Variants in POLQ observed in about 807,000 individuals in gnomAD.
POLQ encodes the protein epididymis secretory sperm binding protein.
A neutral mutation model predicts 259.2 loss-of-function variants in POLQ; 233 were observed. The ratio of observed to expected loss-of-function variants is 0.90; its 90% CI spans 0.81 to 1.00. POLQ has a LOEUF of 1.00. Ranked by LOEUF, POLQ falls within the 50% of genes least tolerant of loss-of-function variation. The pLI is 0.00. For missense variants in POLQ, 2,871 were observed against 3,051.6 expected, an observed-to-expected ratio of 0.94 and a Z score of 1.39; for synonymous variants, 1,025 against 1,048.8, an observed-to-expected ratio of 0.98 and a Z score of 0.44.
Position 121,539,521 on chromosome 3 carries a change from G to A in POLQ, c.543C>T (p.Phe181=), listed in dbSNP as rs36065146. ...TGCAGACTGCAATATCCAATGAAGA[G>A]AAATGCCTTGATGGAGAGGTGCTGC... ...YMGSTSPSRH[F]SSLDIAVCTI... Residue 181 remains phenylalanine, a synonymous_variant, in exon 4 of 30, where the codon TTC becomes TTT. Transcript: ENST00000264233. 77,752 of 1,612,262 alleles carry A rather than the reference G, an allele frequency of 0.048. 2,243 individuals carry two copies. Among genetic ancestry groups the A allele is most frequent in the Middle Eastern group, 0.072 (438 of 6,060 alleles).
At chr3:121,500,449 C>T (rs1044690191) in intron 12 of POLQ, among the ~76,000 whole-genome samples, 1 of 152,040 alleles carries the variant, frequency 6.6e-6, no homozygotes, top group East Asian at 1.9e-4. Context: ...GGATAATTTA[C>T]TAGAGAGATC....
At position 121,433,640 on chromosome 3, in the gene POLQ, C is replaced by A. The variant is rs141415500; in HGVS notation, c.7544-607G>T. On this transcript the variant is annotated intron_variant, in intron 28 of 29. Transcript: ENST00000264233. ...GTTTTTCTGTGGAGATAATCCATAC[C>A]TTCCAGTAGCCATAACTCCAAAATA... Among the ~76,000 whole-genome samples the A allele has an allele frequency of 1.5e-3, 227 of 152,296 alleles. 3 individuals carry two copies. Among genetic ancestry groups the A allele is most frequent in the South Asian group, 5.6e-3 (27 of 4,824 alleles).
intron 7 of POLQ, among the ~76,000 whole-genome samples, chr3:121,526,603 C>T (rs775187025): frequency 2.6e-5 from 4 of 152,002 alleles, no homozygotes; most frequent in Non-Finnish European, 5.9e-5. Context: ...TCTTGGAACT[C>T]ATCTGCAGCC....
chr3:121,489,497 T>A lies in POLQ; in HGVS notation c.3434A>T (p.Asn1145Ile), dbSNP rs912303949. The stretch of plus-strand genomic sequence containing the variant: ...CACACTAGTGGCCTGACAAGTCACA[T>A]TTTTACTCTGAGATCCTGTGACAAT... ...EHIVTGSQSK[N>I]VTCQATSVVS... is the part of the protein sequence containing the mutation. Residue 1145 changes from asparagine (N) to isoleucine (I), a missense_variant, in exon 16 of 30, where the codon AAT (asparagine) becomes ATT (isoleucine). This residue lies in a region of POLQ where 2,080 missense variants were observed against 2,126.0 expected (regional missense o/e 0.98). Coordinates refer to ENST00000264233, the MANE Select transcript of POLQ (RefSeq NM_199420.4). 2.5e-6 allele frequency: 4 copies of A among 1,613,916 alleles called. No homozygotes were observed. In the African/African-American group the frequency reaches 4.0e-5, roughly 16 times the overall value.
intron 25 of POLQ, among the ~76,000 whole-genome samples, chr3:121,459,834 C>T (rs182331968): frequency 2.6e-5 from 4 of 152,190 alleles, no homozygotes; most frequent in South Asian, 2.1e-4. Flanking sequence ...TTTCCTGACA[C>T]GAAGTAGCCT....
intron 9 of POLQ, among the ~76,000 whole-genome samples, chr3:121,516,803 A>G (rs1309266935): frequency 6.6e-6 from 1 of 152,244 alleles, no homozygotes; most frequent in Non-Finnish European, 1.5e-5. Context: ...AAGTCTCCAT[A>G]GTGAATATAA....
chr3:121,491,718 A>C (rs1424979039), intron 15 of POLQ, among the ~76,000 whole-genome samples: 1 of 152,146 alleles, frequency 6.6e-6, no homozygotes, highest in Admixed American at 6.5e-5. Flanking sequence ...ACTCTGCCCA[A>C]ATCTCTCACT....
intron 3 of POLQ, 124 bp downstream of exon 3, chr3:121,541,225 C>T: frequency 1.2e-6 from 1 of 849,088 alleles, no homozygotes. Flanking sequence ...CCTCTTAAAG[C>T]TACATAGGGC....
chr3:121,451,661 A>T (rs1382920739), intron 25 of POLQ, among the ~76,000 whole-genome samples: 2 of 152,158 alleles, frequency 1.3e-5, no homozygotes, highest in Non-Finnish European at 2.9e-5. Context: ...TTTGTCTCAG[A>T]GGGGTAACTG....
chr3:121,432,386 C>G lies in POLQ; in HGVS notation c.7691G>C (p.Ser2564Thr). 1 of 1,608,506 alleles carries G rather than the reference C, an allele frequency of 6.2e-7. No homozygotes were observed. The highest frequency in any genetic ancestry group is 1.1e-5 in the South Asian group (1 of 90,212). The change falls in exon 30 of 30, where the codon AGT becomes ACT. Residue 2564 changes from serine to threonine, a missense_variant. Physicochemically the swap from Ser to Thr is moderately conservative, Grantham distance 58 (BLOSUM62 1). This residue lies in a region of POLQ where 2,080 missense variants were observed against 2,126.0 expected (regional missense o/e 0.98). Transcript: ENST00000264233. Reference protein sequence around the residue: ...VAQIVKNEMESAVKLSVKLKV... With the variant: ...VAQIVKNEMETAVKLSVKLKV... ...CAATTTCACAGACAGTTTTACAGCA[C>G]TTTCCATTTCATTCTTGACAATCTG... is the stretch of plus-strand genomic sequence containing the variant.
intron 18 of POLQ, 61 bp from the exon 19 acceptor site, chr3:121,481,873 T>G: frequency 6.9e-7 from 1 of 1,444,866 alleles, no homozygotes; most frequent in Non-Finnish European, 9.3e-7. Context: ...TATGTACCTC[T>G]AAATGAAAAG....
At chr3:121,519,690 A>G (rs1054458921) in intron 9 of POLQ, among the ~76,000 whole-genome samples, 181 bp downstream of exon 9, 39 of 151,550 alleles carry the variant, frequency 2.6e-4, no homozygotes, top group African/African-American at 8.2e-4. Context: ...AAAAAAAAAA[A>G]AAAAGAAAAT....
chr3:121,511,385 A>G (rs2048254371), intron 10 of POLQ, among the ~76,000 whole-genome samples: 1 of 152,004 alleles, frequency 6.6e-6, no homozygotes, highest in Non-Finnish European at 1.5e-5. Context: ...CAACAGAGCG[A>G]GACTTCATCT....
At chr3:121,493,205 G>C (rs2048084431) in intron 15 of POLQ, among the ~76,000 whole-genome samples, 1 of 151,914 alleles carries the variant, frequency 6.6e-6, no homozygotes, top group African/African-American at 2.4e-5. Flanking sequence ...AGGAGGCTGA[G>C]GCAGGAGAAT....
intron 7 of POLQ, among the ~76,000 whole-genome samples, chr3:121,524,937 TAC>T (rs33965431): frequency 0.16 from 24,392 of 148,414 alleles, 2,037 homozygotes; most frequent in Non-Finnish European, 0.18. Flanking sequence ...TGTGTATAAA[TAC>T]ACACACACAC....
At position 121,488,937 on chromosome 3, in the gene POLQ, T is replaced by A. The variant is rs372561824; in HGVS notation, c.3994A>T (p.Ile1332Leu). The A allele has an allele frequency of 6.2e-7, 1 of 1,614,078 alleles. No individual in the cohort carries two copies. The highest frequency in any genetic ancestry group is 8.5e-7 in the Non-Finnish European group (1 of 1,180,008). ...FYLDTQSEKIIQQMATENAKL... is the reference protein window; with the variant it reads ...FYLDTQSEKILQQMATENAKL... ...GCATTTTCAGTTGCCATCTGTTGTA[T>A]TATTTTCTCTGACTGAGTATCCAGA... Residue 1332 changes from isoleucine (I) to leucine (L), a missense_variant, in exon 16 of 30, where the codon ATA becomes TTA. By Grantham distance (5) the Ile-to-Leu change is conservative. Transcript: ENST00000264233.
chr3:121,510,312 T>C (rs2048244601), intron 10 of POLQ, 69 bp from the exon 11 acceptor site: 1 of 1,117,288 alleles, frequency 9.0e-7, no homozygotes, highest in African/African-American at 1.5e-5. Context: ...GCGCGGTGGC[T>C]CATGCCTGTA....
chr3:121,495,083 C>A (rs904980499), intron 14 of POLQ, among the ~76,000 whole-genome samples: 3 of 151,832 alleles, frequency 2.0e-5, no homozygotes, highest in African/African-American at 7.3e-5. Context: ...ACCAGCCTGA[C>A]CAACATGGAG....
intron 12 of POLQ, 137 bp downstream of exon 12, chr3:121,509,424 T>C (rs1271538859): frequency 5.5e-6 from 3 of 545,822 alleles, no homozygotes; most frequent in Non-Finnish European, 9.2e-6. Context: ...TTCTTACCTC[T>C]TCTCTATTCC....
Sources: gnomAD v4.1 joint callset for allele counts (sites outside exome capture counted in the v4.1 genomes callset) on GRCh38, gnomAD v4.1.1 for gene constraint, gnomAD v4.1.1 regional missense constraint, MANE v1.5 for transcripts, NCBI Gene and HGNC (gene_info 2026-07-23, HGNC 2026-07-21) for gene names.